The following CNKSR2 variants were observed in gnomAD, a reference collection of about 807,000 sequenced individuals.
CNKSR2 encodes the protein CNK homolog protein 2.
In CNKSR2, 14 loss-of-function variants were observed where a neutral mutation model predicts 84.4. The observed-to-expected ratio is 0.17, with a 90% CI of 0.11 to 0.26. The LOEUF (loss-of-function observed/expected upper bound fraction) is 0.26, where lower values mean the gene tolerates loss of function less well. Among genes scored for constraint, CNKSR2 ranks in the 10% least tolerant of loss-of-function variants. CNKSR2 has a pLI of 1.00. For synonymous variants in CNKSR2, 275 were observed against 277.9 expected, an observed-to-expected ratio of 0.99 and a Z score of 0.10; for missense variants, 485 against 771.2, an observed-to-expected ratio of 0.63 and a Z score of 4.40.
At chrX:21,548,721 C>T (rs1322777272) in intron 11 of CNKSR2, among the ~76,000 whole-genome samples, 1 of 111,840 alleles carries the variant, frequency 8.9e-6, no homozygotes, top group African/African-American at 3.3e-5. Flanking sequence ...AGCTTATCCA[C>T]CACGATCAAG....
intron 5 of CNKSR2, among the ~76,000 whole-genome samples, chrX:21,487,234 A>C (rs1466842873): frequency 9.0e-6 from 1 of 111,597 alleles, no homozygotes; most frequent in Admixed American, 9.6e-5. Context: ...CGTTTTTGCA[A>C]CTTAATATGA....
chrX:21,475,831 T>C (rs1601837819), intron 5 of CNKSR2, among the ~76,000 whole-genome samples: 1 of 111,622 alleles, frequency 9.0e-6, no homozygotes, highest in African/African-American at 3.3e-5. Context: ...GTGTCTCGGA[T>C]TTCGGATTTT....
At chrX:21,636,775 T>C (rs948018950) in intron 20 of CNKSR2, among the ~76,000 whole-genome samples, 4 of 111,083 alleles carry the variant, frequency 3.6e-5, no homozygotes, top group Admixed American at 9.7e-5. Flanking sequence ...TGTCTTTGTA[T>C]ATTTATTCCT....
chrX:21,390,981 C>G (rs187671566), intron 1 of CNKSR2, among the ~76,000 whole-genome samples: 1 of 111,918 alleles, frequency 8.9e-6, no homozygotes. Context: ...CCCAGCAGGG[C>G]GGTCATTAAA....
intron 5 of CNKSR2, among the ~76,000 whole-genome samples, chrX:21,484,630 A>G (rs989305229): frequency 1.8e-4 from 20 of 111,657 alleles, no homozygotes; most frequent in African/African-American, 6.2e-4. Flanking sequence ...AGCTTTTTTT[A>G]ACCTTATCAG....
At chrX:21,627,300 G>T (rs924521871) in intron 20 of CNKSR2, among the ~76,000 whole-genome samples, 2 of 109,021 alleles carry the variant, frequency 1.8e-5, no homozygotes, top group East Asian at 5.7e-4. Context: ...AGACCATCCT[G>T]GCTAACATGG....
intron 10 of CNKSR2, among the ~76,000 whole-genome samples, chrX:21,529,058 CTT>C (rs200226510): frequency 9.0e-6 from 1 of 110,591 alleles, no homozygotes; most frequent in East Asian, 2.9e-4. Flanking sequence ...TATTAAAAAA[CTT>C]TGTTTATACA....
intron 11 of CNKSR2, among the ~76,000 whole-genome samples, chrX:21,560,650 G>A (rs1010333971): frequency 9.0e-6 from 1 of 111,407 alleles, no homozygotes; most frequent in Non-Finnish European, 1.9e-5. Flanking sequence ...ATTTTGCTAG[G>A]TATCCTGTTA....
chrX:21,561,938 G>T (rs1343738960), intron 12 of CNKSR2, among the ~76,000 whole-genome samples: 2 of 109,603 alleles, frequency 1.8e-5, no homozygotes, highest in East Asian at 5.7e-4. Flanking sequence ...GTTTTGTATG[G>T]AATCAACCTC....
intron 2 of CNKSR2, chrX:21,427,971 G>C (rs1009593417): frequency 1.8e-5 from 2 of 112,124 alleles, no homozygotes; most frequent in Admixed American, 9.5e-5. Context: ...CATGTGTAAA[G>C]ACAGAATTGT....
intron 5 of CNKSR2, among the ~76,000 whole-genome samples, chrX:21,481,028 G>C (rs1601844025): frequency 1.8e-5 from 2 of 111,891 alleles, no homozygotes; most frequent in Middle Eastern, 4.7e-3. Flanking sequence ...ACATCTTTGT[G>C]CCTCCATTCC....
chrX:21,432,827 GCATGTTT>G lies in CNKSR2; in HGVS notation c.431+17_431+23del. 1.7e-6 allele frequency: 2 copies of G among 1,201,900 alleles called. No homozygotes were observed. The highest frequency in any genetic ancestry group is 2.2e-6 in the Non-Finnish European group (2 of 889,062). On this transcript the variant is annotated intron_variant, in intron 3 of 21. Coordinates refer to ENST00000379510, the MANE Select transcript of CNKSR2 (RefSeq NM_014927.5). ...CCTGGTTGGACAGGTAAAGTCTTCC[GCATGTTT>G]CATAAGTATCCTCTCCTCAGACACC...
At chrX:21,428,789 G>C (rs2090598375) in intron 2 of CNKSR2, 1 of 111,103 alleles carries the variant, frequency 9.0e-6, no homozygotes, top group Non-Finnish European at 1.9e-5. Context: ...TGAAAGATTT[G>C]ATGTTTGCAA....
chrX:21,507,412 A>G (rs2091624134), intron 8 of CNKSR2, among the ~76,000 whole-genome samples: 1 of 111,476 alleles, frequency 9.0e-6, no homozygotes, highest in Non-Finnish European at 1.9e-5. Flanking sequence ...TATGGAGCTG[A>G]CATTGAGTTC....
chrX:21,502,731 T>C (rs978307117), intron 8 of CNKSR2, among the ~76,000 whole-genome samples: 1 of 111,855 alleles, frequency 8.9e-6, no homozygotes, highest in African/African-American at 3.2e-5. Context: ...GAAGTAAAAG[T>C]TGGTAAACGT....
chrX:21,508,810 G>A (rs1011827089), intron 8 of CNKSR2, among the ~76,000 whole-genome samples: 1 of 111,982 alleles, frequency 8.9e-6, no homozygotes, highest in African/African-American at 3.2e-5. Flanking sequence ...CAAGTAACAG[G>A]GTATGGAAAG....
At chrX:21,569,634 T>C (rs1444073590) in intron 13 of CNKSR2, among the ~76,000 whole-genome samples, 1 of 112,403 alleles carries the variant, frequency 8.9e-6, no homozygotes, top group Non-Finnish European at 1.9e-5. Context: ...GCATCTAGAA[T>C]AGTGAATTCT....
chrX:21,385,804 C>T (rs183474156), intron 1 of CNKSR2, among the ~76,000 whole-genome samples: 1 of 111,029 alleles, frequency 9.0e-6, no homozygotes, highest in East Asian at 2.8e-4. Flanking sequence ...TCTCTAGTAT[C>T]TGGTAAGGTG....
At chrX:21,625,498 C>G (rs569077792) in intron 20 of CNKSR2, among the ~76,000 whole-genome samples, 2 of 111,567 alleles carry the variant, frequency 1.8e-5, no homozygotes, top group African/African-American at 6.5e-5. Flanking sequence ...CAGAGAAGGA[C>G]CTTTAGAGAG....
Sources: gnomAD v4.1 joint callset for allele counts (sites outside exome capture counted in the v4.1 genomes callset) on GRCh38, gnomAD v4.1.1 for gene constraint, MANE v1.5 for transcripts, NCBI Gene and HGNC (gene_info 2026-07-23, HGNC 2026-07-21) for gene names.